CADM2: variants seen among roughly 807,000 people sequenced by gnomAD.
The protein encoded by CADM2 is cell adhesion molecule 2.
In CADM2, 12 loss-of-function variants were observed where a neutral mutation model predicts 49.8. The observed-to-expected ratio is 0.24, with a 90% CI of 0.15 to 0.39. The LOEUF is 0.39. Among genes scored for constraint, CADM2 ranks in the 10% least tolerant of loss-of-function variants. The probability of loss-of-function intolerance (pLI) is 1.00; values close to 1 mark genes in which losing one functional copy is unlikely to be tolerated. For missense variants in CADM2, 378 were observed against 492.3 expected (o/e 0.77, Z 2.20); for synonymous variants, 214 against 175.4 (o/e 1.22, Z -1.74).
chr3:85,447,177 A>G (rs2037509675), intron 1 of CADM2, among the ~76,000 whole-genome samples: 1 of 151,556 alleles, frequency 6.6e-6, no homozygotes, highest in Non-Finnish European at 1.5e-5. Flanking sequence ...ATTCAAAGGA[A>G]AAGTGTCAAA....
chr3:85,257,852 C>G (rs985878223), intron 1 of CADM2, among the ~76,000 whole-genome samples: 17 of 152,046 alleles, frequency 1.1e-4, no homozygotes, highest in African/African-American at 3.4e-4. Flanking sequence ...GTGACACAAA[C>G]CAAAATTAAA....
intron 1 of CADM2, among the ~76,000 whole-genome samples, chr3:85,292,024 G>T (rs1350228459): frequency 6.6e-6 from 1 of 151,872 alleles, no homozygotes; most frequent in Non-Finnish European, 1.5e-5. Context: ...ACCCATCAGT[G>T]TGCTGTATTC....
intron 1 of CADM2, among the ~76,000 whole-genome samples, chr3:85,128,925 A>AAC (rs1403068748): frequency 6.6e-6 from 1 of 152,204 alleles, no homozygotes; most frequent in Non-Finnish European, 1.5e-5. Flanking sequence ...TATTTGTCAC[A>AAC]ACACACACAT....
intron 3 of CADM2, among the ~76,000 whole-genome samples, chr3:85,841,296 G>A (rs1204282182): frequency 2.6e-5 from 4 of 151,798 alleles, no homozygotes; most frequent in African/African-American, 9.7e-5. Flanking sequence ...GGAGGTAGAG[G>A]AGTAGTGTAA....
intron 1 of CADM2, among the ~76,000 whole-genome samples, chr3:85,512,118 G>T (rs1436250291): frequency 6.6e-6 from 1 of 151,998 alleles, no homozygotes; most frequent in East Asian, 1.9e-4. Flanking sequence ...GTAGTGAGCA[G>T]AGAGGCTAAT....
At chr3:85,338,850 C>T (rs1171018907) in intron 1 of CADM2, among the ~76,000 whole-genome samples, 1 of 151,454 alleles carries the variant, frequency 6.6e-6, no homozygotes, top group African/African-American at 2.4e-5. Context: ...ATAAAGGCAT[C>T]TACTTAGATA....
chr3:86,038,028 T>C (rs962233921), intron 8 of CADM2, among the ~76,000 whole-genome samples: 3 of 152,100 alleles, frequency 2.0e-5, no homozygotes, highest in African/African-American at 7.2e-5. Context: ...GATGTTCCTC[T>C]CCCTGTGCCT....
intron 1 of CADM2, among the ~76,000 whole-genome samples, chr3:85,365,199 C>CTTTTTTTTT (rs397962829): frequency 1.1e-4 from 11 of 104,698 alleles, no homozygotes; most frequent in South Asian, 3.5e-4. Flanking sequence ...TTTTTTTTTA[C>CTTTTTTTTT]TTTTTTTTTT....
chr3:85,153,610 C>T (rs1366166166), intron 1 of CADM2, among the ~76,000 whole-genome samples: 1 of 152,152 alleles, frequency 6.6e-6, no homozygotes, highest in African/African-American at 2.4e-5. Context: ...GCCTGCCTGC[C>T]TCTGTAGGCT....
chr3:85,921,304 A>G (rs1719072549), intron 6 of CADM2, among the ~76,000 whole-genome samples: 1 of 151,958 alleles, frequency 6.6e-6, no homozygotes, highest in African/African-American at 2.4e-5. Context: ...TGAATAAACT[A>G]TAAACACACA....
chr3:85,240,584 A>G lies in CADM2; in HGVS notation c.61+280916A>G, dbSNP rs7617522. 4.7e-3 allele frequency among the ~76,000 whole-genome samples: 709 copies of G among 151,600 alleles called. 7 individuals are homozygous for G. Among genetic ancestry groups the G allele is most frequent in the African/African-American group, 0.017 (687 of 41,496 alleles). On this transcript the variant is annotated intron_variant, in intron 1 of 9. Transcript: ENST00000383699. ...AGATTCAAATAGGGAACCCAACTCT[A>G]AGTGTGTTGTAGCAATATCAATGGG...
chr3:85,278,817 GATAA>G (rs767187623), intron 1 of CADM2, among the ~76,000 whole-genome samples: 4 of 149,632 alleles, frequency 2.7e-5, no homozygotes, highest in South Asian at 2.1e-4. Context: ...ATGCTCTATA[GATAA>G]ATATAAAAGA....
intron 1 of CADM2, among the ~76,000 whole-genome samples, chr3:85,365,002 T>C (rs777981766): frequency 2.0e-5 from 3 of 152,192 alleles, no homozygotes; most frequent in Non-Finnish European, 2.9e-5. Flanking sequence ...CAAACATGGT[T>C]AGCATATTTG....
intron 1 of CADM2, among the ~76,000 whole-genome samples, chr3:85,469,462 C>T (rs1320768601): frequency 6.6e-6 from 1 of 151,880 alleles, no homozygotes; most frequent in Non-Finnish European, 1.5e-5. Context: ...CCAAATGGAC[C>T]CAATAGTTTA....
Position 85,083,863 on chromosome 3 carries a change from C to T in CADM2, c.61+124195C>T, listed in dbSNP as rs188068116. On this transcript the variant is annotated intron_variant, in intron 1 of 9. Transcript: ENST00000383699. ...AGCCACAACATGTATTCTACAGAAA[C>T]AGAAAACAGTGTTAGCATTGAATTT... Among the ~76,000 whole-genome samples the T allele has an allele frequency of 5.9e-5, 9 of 152,116 alleles. No homozygotes were observed. The East Asian group carries it at 1.7e-3, about 29-fold the overall frequency.
At position 85,043,746 on chromosome 3, in the gene CADM2, A is replaced by G. The variant is rs529998788; in HGVS notation, c.61+84078A>G. Among the ~76,000 whole-genome samples, 25 of 152,056 alleles carry G rather than the reference A, an allele frequency of 1.6e-4. No homozygotes were observed. In the South Asian group the frequency reaches 5.2e-3, roughly 32 times the overall value. ...ATATGTTTCTCCTTAAGTCCCCAAT[A>G]CTGTCTTCCTTTTCTGGTCAAATTT... On this transcript the variant is annotated intron_variant, in intron 1 of 9. Coordinates refer to ENST00000383699, the MANE Select transcript of CADM2 (RefSeq NM_001167675.2).
chr3:85,108,147 A>G (rs780073172), intron 1 of CADM2, among the ~76,000 whole-genome samples: 4 of 152,208 alleles, frequency 2.6e-5, no homozygotes, highest in Non-Finnish European at 5.9e-5. Context: ...ATTATTTACA[A>G]TAGCCAATAG....
intron 8 of CADM2, chr3:86,013,134 A>G (rs533413010): frequency 3.7e-6 from 5 of 1,338,724 alleles, no homozygotes; most frequent in Admixed American, 1.7e-5. Flanking sequence ...AAACCACGTA[A>G]GTAGACACAG....
chr3:85,156,140 A>T (rs1694711822), intron 1 of CADM2, among the ~76,000 whole-genome samples: 1 of 151,980 alleles, frequency 6.6e-6, no homozygotes, highest in South Asian at 2.1e-4. Flanking sequence ...GAACTGAAGG[A>T]AATAGAGACA....
Sources: allele counts gnomAD v4.1 joint callset (sites outside exome capture counted in the v4.1 genomes callset), GRCh38; gene constraint gnomAD v4.1.1; transcripts MANE v1.5; gene names NCBI Gene and HGNC (gene_info 2026-07-23, HGNC 2026-07-21).